The following KALRN variants were observed in gnomAD, a reference collection of about 807,000 sequenced individuals.
The protein encoded by KALRN is kalirin RhoGEF kinase, also known as kalirin.
A neutral mutation model predicts 353.7 loss-of-function variants in KALRN; 70 were observed. The ratio of observed to expected loss-of-function variants is 0.20; its 90% confidence interval spans 0.16 to 0.24. The LOEUF is 0.24. Among genes scored for constraint, KALRN ranks in the 10% least tolerant of loss-of-function variants. The pLI is 1.00. For synonymous variants in KALRN, 1,391 were observed against 1,434.8 expected (o/e 0.97, Z 0.69); for missense variants, 2,791 against 3,756.7 (o/e 0.74, Z 6.72).
intron 1 of KALRN, among the ~76,000 whole-genome samples, chr3:124,131,921 G>T (rs768241762): frequency 2.0e-5 from 3 of 152,118 alleles, no homozygotes; most frequent in Non-Finnish European, 4.4e-5. Flanking sequence ...TGGGGGAAAT[G>T]ATGTCATAAG....
chr3:124,488,131 C>G lies in KALRN; in HGVS notation c.4285-73C>G, dbSNP rs142933229. On this transcript the variant is annotated intron_variant, in intron 28 of 59. Transcript: ENST00000682506. ...AGAGAGCGAAGCTGGTCTATAATTT[C>G]CTTGCTGGGTTAGGTGGTGGGAGGA... The G allele has an allele frequency of 1.1e-4, 92 of 870,604 alleles. No homozygotes were observed. The East Asian group carries it at 2.2e-3, about 21-fold the overall frequency. 53.9% of individuals were successfully genotyped at this position (870,604 alleles called of 1,614,324 possible). A position where few individuals can be genotyped will look rare whatever the true frequency, so the allele number is the denominator to read the frequency against.
chr3:124,487,484 G>T (rs1052750822), intron 28 of KALRN, among the ~76,000 whole-genome samples: 1 of 152,154 alleles, frequency 6.6e-6, no homozygotes, highest in East Asian at 1.9e-4. Flanking sequence ...TTGGATTCAG[G>T]AGACCTGGAT....
At chr3:124,124,313 T>C (rs115754331) in intron 1 of KALRN, among the ~76,000 whole-genome samples, 1 of 152,156 alleles carries the variant, frequency 6.6e-6, no homozygotes, top group Non-Finnish European at 1.5e-5. Flanking sequence ...GCAAGAAAAC[T>C]AGAATTAGAA....
intron 1 of KALRN, among the ~76,000 whole-genome samples, chr3:124,087,316 A>G (rs905931028): frequency 6.6e-6 from 1 of 152,204 alleles, no homozygotes; most frequent in Non-Finnish European, 1.5e-5. Context: ...TGTCAGAGAA[A>G]GTCTAATTTC....
chr3:124,468,519 C>T (rs1479487698), intron 25 of KALRN, among the ~76,000 whole-genome samples: 1 of 152,340 alleles, frequency 6.6e-6, no homozygotes, highest in South Asian at 2.1e-4. Flanking sequence ...TTAAAATGTG[C>T]ATGTTCTATG....
intron 1 of KALRN, among the ~76,000 whole-genome samples, chr3:124,042,600 A>T (rs2040066868): frequency 6.6e-6 from 1 of 152,154 alleles, no homozygotes; most frequent in African/African-American, 2.4e-5. Flanking sequence ...GTCAAGAAAG[A>T]GATAGGAACC....
At chr3:124,472,604 TG>T (rs1177762083) in intron 25 of KALRN, among the ~76,000 whole-genome samples, 20 of 151,202 alleles carry the variant, frequency 1.3e-4, no homozygotes, top group African/African-American at 3.4e-4. Context: ...TGTGTGTGTG[TG>T]TACCTGTGTG....
Position 124,722,203 on chromosome 3 carries a change from T to C in KALRN, c.*2733T>C, listed in dbSNP as rs1459709267. 1 of 152,158 alleles carries C rather than the reference T, an allele frequency of 6.6e-6. No homozygotes were observed. The highest frequency in any genetic ancestry group is 1.9e-4 in the East Asian group (1 of 5,192). The allele number at this position is 152,158 out of a possible 1,614,324, so 9.4% of individuals were successfully genotyped here. On this transcript the variant is annotated 3_prime_UTR_variant, in exon 60 of 60. Transcript: ENST00000682506. ...CAGGTGGGGGACAAGGAGGGTATTT[T>C]TGAAATTATGTTATGGGGGCAGTTG... is the stretch of plus-strand genomic sequence containing the variant.
chr3:124,565,270 C>A (rs139713685), intron 34 of KALRN, among the ~76,000 whole-genome samples: 1 of 152,182 alleles, frequency 6.6e-6, no homozygotes. Flanking sequence ...TGCTTTCCCC[C>A]CTGTCCTCTG....
At chr3:124,718,864 G>C in intron 59 of KALRN, 61 bp from the exon 60 acceptor site, 1 of 1,413,736 alleles carries the variant, frequency 7.1e-7, no homozygotes. Flanking sequence ...GGTATTTTGA[G>C]TAGTCAAAAT....
At chr3:124,036,435 A>G (rs1397075930) in intron 1 of KALRN, among the ~76,000 whole-genome samples, 1 of 151,458 alleles carries the variant, frequency 6.6e-6, no homozygotes, top group African/African-American at 2.4e-5. Flanking sequence ...CATGATGTAC[A>G]TGTACCACAT....
chr3:124,536,303 G>C (rs961777331), intron 33 of KALRN, among the ~76,000 whole-genome samples: 1 of 147,312 alleles, frequency 6.8e-6, no homozygotes, highest in East Asian at 2.0e-4. Context: ...CCAGGTTCAA[G>C]TGATTCGCCT....
intron 23 of KALRN, among the ~76,000 whole-genome samples, chr3:124,459,666 A>G (rs2059664457): frequency 6.6e-6 from 1 of 152,218 alleles, no homozygotes; most frequent in Admixed American, 6.5e-5. Flanking sequence ...TTTATGCTGG[A>G]GTTACAAAGT....
chr3:124,369,064 A>ACCGTG (rs1313749656), intron 10 of KALRN, among the ~76,000 whole-genome samples: 12 of 96,736 alleles, frequency 1.2e-4, no homozygotes, highest in African/African-American at 5.5e-4. Context: ...CCGTGGGGAG[A>ACCGTG]GGGAGAGGGA....
chr3:124,351,590 C>T (rs1387684076), intron 10 of KALRN, among the ~76,000 whole-genome samples: 6 of 152,146 alleles, frequency 3.9e-5, no homozygotes, highest in South Asian at 2.1e-4. Flanking sequence ...TGGCTACCCA[C>T]GGGGAGGGGT....
At chr3:124,177,983 A>G (rs1397497243) in intron 1 of KALRN, among the ~76,000 whole-genome samples, 3 of 152,182 alleles carry the variant, frequency 2.0e-5, no homozygotes, top group Admixed American at 6.5e-5. Flanking sequence ...CATCAGTGCC[A>G]CCTGGGCTGC....
At chr3:124,622,319 C>T (rs1322763458) in intron 34 of KALRN, among the ~76,000 whole-genome samples, 1 of 152,150 alleles carries the variant, frequency 6.6e-6, no homozygotes, top group Non-Finnish European at 1.5e-5. Flanking sequence ...ACCAGGTGGA[C>T]ATTTATAGAC....
At chr3:124,623,644 C>G (rs527542086) in intron 34 of KALRN, among the ~76,000 whole-genome samples, 2 of 152,102 alleles carry the variant, frequency 1.3e-5, no homozygotes, top group African/African-American at 2.4e-5. Flanking sequence ...ATTCTAACTG[C>G]GCTGGCAGCT....
At chr3:124,065,632 TA>T (rs56298061) in intron 1 of KALRN, among the ~76,000 whole-genome samples, 1,868 of 131,676 alleles carry the variant, frequency 0.014, 24 homozygotes, top group East Asian at 0.019. Flanking sequence ...ATTCCTTAGT[TA>T]AAAAAAAAAA....
Sources: allele counts gnomAD v4.1 joint callset (sites outside exome capture counted in the v4.1 genomes callset), GRCh38; gene constraint gnomAD v4.1.1; transcripts MANE v1.5; gene names NCBI Gene and HGNC (gene_info 2026-07-23, HGNC 2026-07-21).